The following UBLCP1 variants were observed in gnomAD, a reference collection of about 807,000 sequenced individuals.
The protein encoded by UBLCP1 is ubiquitin like domain containing CTD phosphatase 1.
Under a neutral mutation model 42.4 loss-of-function variants are expected in UBLCP1, and 28 were observed. The ratio of observed to expected loss-of-function variants is 0.66; its 90% CI spans 0.49 to 0.90. UBLCP1 has a LOEUF of 0.90. Among genes scored for constraint, UBLCP1 ranks in the 40% least tolerant of loss-of-function variants. The pLI, the probability that UBLCP1 is intolerant of heterozygous loss-of-function variation, is 0.00. For missense variants in UBLCP1, 279 were observed against 374.5 expected, an observed-to-expected ratio of 0.75 and a Z score of 2.10; for synonymous variants, 122 against 120.8, an observed-to-expected ratio of 1.01 and a Z score of -0.07.
At chr5:159,266,409 A>G (rs1293353401) in intron 1 of UBLCP1, among the ~76,000 whole-genome samples, 1 of 152,244 alleles carries the variant, frequency 6.6e-6, no homozygotes, top group Non-Finnish European at 1.5e-5. Context: ...GCAGCAAAGC[A>G]CTCAAGAGGT....
intron 8 of UBLCP1, among the ~76,000 whole-genome samples, chr5:159,277,021 T>C (rs1158738774): frequency 6.6e-6 from 1 of 152,204 alleles, no homozygotes; most frequent in Non-Finnish European, 1.5e-5. Context: ...AATTAACAAA[T>C]GACAGCACTT....
chr5:159,280,552 C>T (rs1753596072), intron 9 of UBLCP1, among the ~76,000 whole-genome samples: 1 of 152,236 alleles, frequency 6.6e-6, no homozygotes, highest in Non-Finnish European at 1.5e-5. Context: ...ATCCACCTAT[C>T]TCGGCCTCTC....
At chr5:159,272,953 A>G (rs1204994663) in intron 6 of UBLCP1, among the ~76,000 whole-genome samples, 1 of 152,258 alleles carries the variant, frequency 6.6e-6, no homozygotes, top group African/African-American at 2.4e-5. Flanking sequence ...CCTCTTGGCA[A>G]TGTCATAAGC....
Position 159,270,457 on chromosome 5 carries a change from T to A in UBLCP1, c.332+12T>A, listed in dbSNP as rs760337373. ...GAAGTAGAAAATAGGTAAGTGCTTT[T>A]CGCTTTAGAAGTAATCAGTTGTCAT... On this transcript the variant is annotated intron_variant, in intron 4 of 10. Transcript: ENST00000296786. The A allele has an allele frequency of 6.2e-7, 1 of 1,611,966 alleles. No individual in the cohort carries two copies. The highest frequency in any genetic ancestry group is 1.7e-5 in the Admixed American group (1 of 59,926).
intron 9 of UBLCP1, among the ~76,000 whole-genome samples, chr5:159,280,666 T>C (rs1266313782): frequency 6.6e-6 from 1 of 152,188 alleles, no homozygotes; most frequent in Admixed American, 6.5e-5. Flanking sequence ...GCTTTCATAA[T>C]GCACTTGGTA....
Position 159,270,603 on chromosome 5 carries a change from G to A in UBLCP1, c.408G>A (p.Gly136=). Residue 136 remains glycine (G), a synonymous_variant, in exon 5 of 11, where the codon GGG becomes GGA. Transcript: ENST00000296786. The stretch of plus-strand genomic sequence containing the variant: ...AAATTTTGAATCCTCCCAGGGAAGG[G>A]AAAAAGCTTTTGGTGCTAGATGTTG... ...KVEILNPPRE[G]KKLLVLDVDY... 6.2e-7 allele frequency: 1 copy of A among 1,607,890 alleles called. No individual in the cohort carries two copies. Among genetic ancestry groups the A allele is most frequent in the Non-Finnish European group, 8.5e-7 (1 of 1,178,286 alleles).
rs761288938 is a variant in UBLCP1, at chr5:159,275,230, G to A, written c.668G>A (p.Arg223Lys). ...SAAMITVHTP[R>K]RGLIDVKPLG... ...GCTATGATAACAGTACATACTCCAA[G>A]GAGAGGATTAATAGACGTAAGAAGT... The change falls in exon 8 of 11, where the codon AGG becomes AAG. Residue 223 changes from arginine (R) to lysine (K), a missense_variant. Transcript: ENST00000296786. 7.4e-6 allele frequency: 12 copies of A among 1,611,906 alleles called. No individual in the cohort carries two copies. The South Asian group carries it at 1.2e-4, about 16-fold the overall frequency.
intron 1 of UBLCP1, among the ~76,000 whole-genome samples, chr5:159,268,070 G>A (rs146681956): frequency 6.6e-6 from 1 of 152,304 alleles, no homozygotes; most frequent in Admixed American, 6.5e-5. Flanking sequence ...ATGTGTCTAT[G>A]TACAGATTGT....
rs1584739758 is a variant in UBLCP1, at chr5:159,274,726, GTAGA to G, written c.585+111_585+114del. On this transcript the variant is annotated intron_variant, in intron 7 of 10. Transcript: ENST00000296786. ...TTTTATTCTTACTGGAGGGCACTTA[GTAGA>G]TAGATAAATGCCATTATTGGGAGTA... 3 of 976,758 alleles carry G rather than the reference GTAGA, an allele frequency of 3.1e-6. No homozygotes were observed. The East Asian group carries it at 7.8e-5, about 25-fold the overall frequency. The allele number at this position is 976,758 out of a possible 1,614,324, so 60.5% of individuals were successfully genotyped here.
At position 159,269,908 on chromosome 5, in the gene UBLCP1, G is replaced by A; in HGVS notation, c.155G>A (p.Gly52Asp). The change falls in exon 3 of 11, where the codon GGC becomes GAC. Residue 52 changes from glycine to aspartate, a missense_variant and splice_region_variant. Gly to Asp is a moderately conservative substitution (Grantham distance 94). Coordinates refer to ENST00000296786, the MANE Select transcript of UBLCP1 (RefSeq NM_145049.5). The stretch of plus-strand genomic sequence containing the variant: ...AAACAGTCATTTGCTTGTATTGTAG[G>A]CAAACCTGCAGAAAATGATGTTAAG... ...RQKLLGLKVKGKPAENDVKLG... is the reference protein window; with the variant it reads ...RQKLLGLKVKDKPAENDVKLG... 2 of 1,611,712 alleles carry A rather than the reference G, an allele frequency of 1.2e-6. No homozygotes were observed. Among genetic ancestry groups the A allele is most frequent in the East Asian group, 2.2e-5 (1 of 44,716 alleles).
intron 2 of UBLCP1, 45 bp downstream of exon 2, chr5:159,269,114 A>G (rs759083825): frequency 3.6e-6 from 5 of 1,377,400 alleles, no homozygotes; most frequent in Non-Finnish European, 4.8e-6. Context: ...AATTTTTAGT[A>G]TTATGAATTT....
At chr5:159,279,970 C>T (rs1231667579) in intron 9 of UBLCP1, among the ~76,000 whole-genome samples, 1 of 152,114 alleles carries the variant, frequency 6.6e-6, no homozygotes, top group Non-Finnish European at 1.5e-5. Context: ...ACTTTGTTTT[C>T]CTAACCAACA....
intron 3 of UBLCP1, 132 bp from the exon 4 acceptor site, chr5:159,270,228 G>A (rs1753447548): frequency 1.2e-6 from 1 of 834,644 alleles, no homozygotes. Flanking sequence ...ATTATTAATT[G>A]TGGAAATTTT....
At position 159,263,325 on chromosome 5, in the gene UBLCP1, T is replaced by C. The variant is rs1343009254; in HGVS notation, c.-82T>C. 6.6e-6 allele frequency: 1 copy of C among 152,376 alleles called. No individual in the cohort carries two copies. The highest frequency in any genetic ancestry group is 2.4e-5 in the African/African-American group (1 of 41,468). The allele number at this position is 152,376 out of a possible 1,614,324, so 9.4% of individuals were successfully genotyped here. On this transcript the variant is annotated 5_prime_UTR_variant, in exon 1 of 11. Coordinates refer to ENST00000296786, the MANE Select transcript of UBLCP1 (RefSeq NM_145049.5). ...GCTTTCGGTCTCTCAGCGGCCGGTT[T>C]CTGCGTCCGCTGCCGCAGGTTCCAC...
chr5:159,272,924 C>T (rs1378920928), intron 6 of UBLCP1, among the ~76,000 whole-genome samples: 1 of 152,196 alleles, frequency 6.6e-6, no homozygotes, highest in African/African-American at 2.4e-5. Context: ...TCCCTCCTCC[C>T]CACAAATATT....
At chr5:159,268,471 C>T (rs1208899095) in intron 1 of UBLCP1, among the ~76,000 whole-genome samples, 1 of 152,104 alleles carries the variant, frequency 6.6e-6, no homozygotes, top group Non-Finnish European at 1.5e-5. Context: ...GGATCTGAAC[C>T]CAGGTCATCT....
At chr5:159,278,428 T>C (rs1753564457) in intron 9 of UBLCP1, 74 bp downstream of exon 9, 2 of 970,480 alleles carry the variant, frequency 2.1e-6, no homozygotes, top group Admixed American at 1.8e-5. Flanking sequence ...GTAAGCACTG[T>C]TGAATTTCAT....
chr5:159,285,201 CACACACACACACACA>C lies in UBLCP1; in HGVS notation c.*271_*285del. On this transcript the variant is annotated 3_prime_UTR_variant, in exon 11 of 11. Coordinates refer to ENST00000296786, the MANE Select transcript of UBLCP1 (RefSeq NM_145049.5). ...CTGACCACCCCACCCTCCCACCACA[CACACACACACACACA>C]CACACACACACACACACACACACAC... 7.3e-6 allele frequency: 1 copy of C among 137,124 alleles called. No individual in the cohort carries two copies. The highest frequency in any genetic ancestry group is 5.3e-5 in the African/African-American group (1 of 19,010). 8.5% of individuals were successfully genotyped at this position (137,124 alleles called of 1,614,324 possible).
chr5:159,271,035 GCAT>G (rs1462394034), intron 5 of UBLCP1, among the ~76,000 whole-genome samples: 1 of 151,684 alleles, frequency 6.6e-6, no homozygotes, highest in East Asian at 1.9e-4. Flanking sequence ...GTTTATGGAT[GCAT>G]CATCATTTAA....
Sources: gnomAD v4.1 joint callset for allele counts (sites outside exome capture counted in the v4.1 genomes callset) on GRCh38, gnomAD v4.1.1 for gene constraint, MANE v1.5 for transcripts, NCBI Gene and HGNC (gene_info 2026-07-23, HGNC 2026-07-21) for gene names.